Variants in RBFOX1 observed in about 807,000 individuals in gnomAD.
RBFOX1 encodes RNA binding fox-1 homolog 1.
A neutral mutation model predicts 57.7 loss-of-function variants in RBFOX1; 8 were observed. That is an observed-to-expected ratio of 0.14 (90% CI 0.08 to 0.25). RBFOX1 has a LOEUF of 0.25. RBFOX1 is among the 10% of genes least tolerant of loss of function. The pLI, the probability that RBFOX1 is intolerant of heterozygous loss-of-function variation, is 1.00. For synonymous variants in RBFOX1, 326 were observed against 222.4 expected (o/e 1.47, Z -4.15); for missense variants, 611 against 548.5 (o/e 1.11, Z -1.14).
At chr16:5,992,596 C>G (rs2060419934) in intron 4 of RBFOX1, among the ~76,000 whole-genome samples, 1 of 152,086 alleles carries the variant, frequency 6.6e-6, no homozygotes, top group Non-Finnish European at 1.5e-5. Context: ...GGTTGCTTCT[C>G]TAGGAATCCG....
chr16:6,257,740 A>T (rs1203629418), intron 1 of RBFOX1, among the ~76,000 whole-genome samples: 2 of 152,300 alleles, frequency 1.3e-5, no homozygotes, highest in African/African-American at 4.8e-5. Context: ...CATGTTCCTG[A>T]AAAGGACATG....
At chr16:7,234,368 C>T (rs1318924642) in intron 4 of RBFOX1, among the ~76,000 whole-genome samples, 2 of 152,142 alleles carry the variant, frequency 1.3e-5, no homozygotes, top group East Asian at 3.9e-4. Context: ...GTTTTGGTTC[C>T]ACCCCTTTGC....
chr16:7,364,690 C>A (rs1376012574), intron 4 of RBFOX1, among the ~76,000 whole-genome samples: 1 of 151,816 alleles, frequency 6.6e-6, no homozygotes, highest in African/African-American at 2.4e-5. Flanking sequence ...CCTCTAGTCA[C>A]TTTTTCTATC....
chr16:6,280,453 G>C (rs1331838641), intron 1 of RBFOX1, among the ~76,000 whole-genome samples: 1 of 152,136 alleles, frequency 6.6e-6, no homozygotes, highest in East Asian at 1.9e-4. Flanking sequence ...TTGGAGACAA[G>C]TTGGCAATGA....
At chr16:6,464,903 G>C (rs1164027135) in intron 2 of RBFOX1, among the ~76,000 whole-genome samples, 1 of 152,224 alleles carries the variant, frequency 6.6e-6, no homozygotes, top group African/African-American at 2.4e-5. Flanking sequence ...CCAGCACAGA[G>C]ATCCCGGGGG....
At chr16:6,345,873 A>C (rs2085296777) in intron 2 of RBFOX1, among the ~76,000 whole-genome samples, 1 of 152,230 alleles carries the variant, frequency 6.6e-6, no homozygotes, top group African/African-American at 2.4e-5. Flanking sequence ...TTAGGGAAAC[A>C]TAAGACATCA....
intron 2 of RBFOX1, among the ~76,000 whole-genome samples, chr16:6,485,767 C>G (rs1013399543): frequency 6.6e-6 from 1 of 152,162 alleles, no homozygotes; most frequent in Non-Finnish European, 1.5e-5. Flanking sequence ...TGTCTCATGA[C>G]TTTATTGGAC....
chr16:6,365,677 A>G (rs1248628802), intron 2 of RBFOX1, among the ~76,000 whole-genome samples: 1 of 152,186 alleles, frequency 6.6e-6, no homozygotes, highest in Non-Finnish European at 1.5e-5. Flanking sequence ...AATGTGGTAT[A>G]GTGGAAAGAA....
intron 2 of RBFOX1, among the ~76,000 whole-genome samples, chr16:6,581,460 G>A (rs1165993869): frequency 6.6e-6 from 1 of 152,120 alleles, no homozygotes; most frequent in East Asian, 1.9e-4. Flanking sequence ...CTGTTGTTTT[G>A]GGAAACAAGC....
chr16:6,502,368 T>C (rs2095961832), intron 2 of RBFOX1, among the ~76,000 whole-genome samples: 1 of 152,094 alleles, frequency 6.6e-6, no homozygotes, highest in Non-Finnish European at 1.5e-5. Flanking sequence ...AGAAGAGGTG[T>C]CCCAAACCAG....
chr16:5,520,967 G>C (rs1346993223), intron 2 of RBFOX1, among the ~76,000 whole-genome samples: 1 of 152,226 alleles, frequency 6.6e-6, no homozygotes, highest in South Asian at 2.1e-4. Flanking sequence ...CAGCCTGTGT[G>C]TGTCCTTTGA....
intron 14 of RBFOX1, among the ~76,000 whole-genome samples, chr16:7,703,341 T>A (rs923717259): frequency 6.6e-6 from 1 of 152,114 alleles, no homozygotes; most frequent in African/African-American, 2.4e-5. Flanking sequence ...GCCCATGCAT[T>A]TTCTTGCTGC....
intron 2 of RBFOX1, among the ~76,000 whole-genome samples, chr16:6,619,046 T>C (rs1313833277): frequency 2.0e-5 from 3 of 151,582 alleles, no homozygotes; most frequent in Non-Finnish European, 4.4e-5. Flanking sequence ...GGGAGAAGAG[T>C]GGACAGTGGT....
At chr16:6,570,967 G>A (rs111959536) in intron 2 of RBFOX1, among the ~76,000 whole-genome samples, 253 of 152,168 alleles carry the variant, frequency 1.7e-3, no homozygotes, top group African/African-American at 5.2e-3. Flanking sequence ...TGGGTACCCT[G>A]TTTTCAAAAT....
chr16:6,519,521 C>A (rs1451720602), intron 2 of RBFOX1, among the ~76,000 whole-genome samples: 1 of 152,042 alleles, frequency 6.6e-6, no homozygotes, highest in Admixed American at 6.6e-5. Flanking sequence ...GCCAACATGA[C>A]AAAACCCCGT....
chr16:6,512,406 A>T (rs1050846333), intron 2 of RBFOX1, among the ~76,000 whole-genome samples: 2 of 152,056 alleles, frequency 1.3e-5, no homozygotes, highest in African/African-American at 4.8e-5. Flanking sequence ...CTCGGGTAGG[A>T]TAGGGAATGC....
chr16:6,254,519 C>G (rs1309286614), intron 1 of RBFOX1, among the ~76,000 whole-genome samples: 2 of 152,010 alleles, frequency 1.3e-5, no homozygotes, highest in Admixed American at 6.6e-5. Context: ...GAAGCTTGAT[C>G]CCAAGGTCAT....
chr16:5,310,495 G>C (rs781353587), intron 1 of RBFOX1, among the ~76,000 whole-genome samples: 7 of 152,160 alleles, frequency 4.6e-5, no homozygotes, highest in African/African-American at 9.7e-5. Context: ...ACAGTATTCA[G>C]CATTTCTGAG....
chr16:7,638,709 A>G (rs1470914052), intron 11 of RBFOX1, among the ~76,000 whole-genome samples: 1 of 152,210 alleles, frequency 6.6e-6, no homozygotes. Flanking sequence ...GAAAGTAGCC[A>G]TAGACTACTG....
Sources: gnomAD v4.1 joint callset for allele counts (sites outside exome capture counted in the v4.1 genomes callset) on GRCh38, gnomAD v4.1.1 for gene constraint, MANE v1.5 for transcripts, NCBI Gene and HGNC (gene_info 2026-07-23, HGNC 2026-07-21) for gene names.